TRIO: variants seen among roughly 807,000 people sequenced by gnomAD.
The protein encoded by TRIO is triple functional domain protein.
Under a neutral mutation model 351.9 loss-of-function variants are expected in TRIO, and 58 were observed. The observed-to-expected ratio is 0.16, with a 90% CI of 0.13 to 0.21. The LOEUF (loss-of-function observed/expected upper bound fraction) is 0.21. TRIO is among the 10% of genes least tolerant of loss of function. The pLI, the probability that TRIO is intolerant of heterozygous loss-of-function variation, is 1.00. For synonymous variants in TRIO, 1,758 were observed against 1,595.7 expected (o/e 1.10, Z -2.42); for missense variants, 3,201 against 4,027.8 (o/e 0.79, Z 5.56).
chr5:14,151,317 G>A (rs893801110), intron 1 of TRIO, among the ~76,000 whole-genome samples: 6 of 151,862 alleles, frequency 4.0e-5, no homozygotes, highest in Non-Finnish European at 7.4e-5. Flanking sequence ...AAATTTACAC[G>A]TATAATCCTA....
At chr5:14,317,678 G>A (rs62344973) in intron 9 of TRIO, among the ~76,000 whole-genome samples, 10,367 of 152,258 alleles carry the variant, frequency 0.068, 439 homozygotes, top group African/African-American at 0.12. Flanking sequence ...TTCACTTCAT[G>A]TGAATCTGGT....
rs147256095 is a variant in TRIO, at chr5:14,359,329, A to G, written c.2217-28A>G. On this transcript the variant is annotated intron_variant, in intron 12 of 56. Coordinates refer to ENST00000344204, the MANE Select transcript of TRIO (RefSeq NM_007118.4). Reference sequence around the variant, plus strand: ...TAACAATGTGTGACTTTCTCATCCAATTCCTGTTCCTCTGTGTGCTCTCGC... The same window carrying G: ...TAACAATGTGTGACTTTCTCATCCAGTTCCTGTTCCTCTGTGTGCTCTCGC... 2.0e-4 allele frequency: 327 copies of G among 1,595,700 alleles called. 2 individuals are homozygous for G. The African/African-American group carries it at 3.9e-3, about 19-fold the overall frequency.
chr5:14,308,029 G>A (rs1738527082), intron 8 of TRIO, among the ~76,000 whole-genome samples: 2 of 152,158 alleles, frequency 1.3e-5, no homozygotes, highest in South Asian at 4.2e-4. Flanking sequence ...TTGAGCACTT[G>A]TTCCCAGCTC....
intron 21 of TRIO, among the ~76,000 whole-genome samples, chr5:14,384,575 A>G (rs199621261): frequency 6.6e-6 from 1 of 152,310 alleles, no homozygotes; most frequent in East Asian, 1.9e-4. Context: ...TTCCAAGGTA[A>G]ATGGCTTTGG....
chr5:14,249,330 T>G (rs1794612220), intron 1 of TRIO, among the ~76,000 whole-genome samples: 2 of 152,206 alleles, frequency 1.3e-5, no homozygotes, highest in Admixed American at 1.3e-4. Flanking sequence ...CGCCCATGGT[T>G]AGGCTTGCCC....
chr5:14,364,005 G>T, intron 14 of TRIO, 78 bp downstream of exon 14: 1 of 1,440,248 alleles, frequency 6.9e-7, no homozygotes, highest in South Asian at 1.4e-5. Context: ...TCAGTGGGAT[G>T]ACTGCAAATT....
rs149694127 is a variant in TRIO, at chr5:14,492,568, G to C, written c.7634G>C (p.Ser2545Thr). 6 of 1,613,980 alleles carry C rather than the reference G, an allele frequency of 3.7e-6. No individual in the cohort carries two copies. Among genetic ancestry groups the C allele is most frequent in the Non-Finnish European group, 4.2e-6 (5 of 1,180,012 alleles). Residue 2545 changes from serine (S) to threonine (T), a missense_variant and splice_region_variant, in exon 49 of 57, where the codon AGT becomes ACT. Around this residue, in one of 19 missense-constraint regions of TRIO, gnomAD observed 1,089 missense variants for 954.9 expected, o/e 1.14. Coordinates refer to ENST00000344204, the MANE Select transcript of TRIO (RefSeq NM_007118.4). ...QSVQSTQSNGSESSSSSNIST... is the reference protein window; with the variant it reads ...QSVQSTQSNGTESSSSSNIST... ...CTGTCTTCATCTGTCCCTCTGCAGA[G>C]TGAAAGCAGCAGCAGTAGCAACATC...
chr5:14,172,011 ATAAGT>A (rs1789124652), intron 1 of TRIO, among the ~76,000 whole-genome samples: 1 of 152,142 alleles, frequency 6.6e-6, no homozygotes, highest in Non-Finnish European at 1.5e-5. Flanking sequence ...ACACCTGCAG[ATAAGT>A]TGAGTAGTGC....
chr5:14,219,341 A>G (rs1028617588), intron 1 of TRIO, among the ~76,000 whole-genome samples: 10 of 152,040 alleles, frequency 6.6e-5, no homozygotes, highest in African/African-American at 2.4e-4. Context: ...CTTGCCCTGT[A>G]CTTCTGCCTC....
At chr5:14,198,002 A>G (rs1178627605) in intron 1 of TRIO, among the ~76,000 whole-genome samples, 2 of 152,182 alleles carry the variant, frequency 1.3e-5, no homozygotes, top group South Asian at 2.1e-4. Context: ...TATCCTTGTA[A>G]TGATAGTCCA....
At chr5:14,415,610 C>T (rs1039343088) in intron 33 of TRIO, among the ~76,000 whole-genome samples, 2 of 152,156 alleles carry the variant, frequency 1.3e-5, no homozygotes, top group African/African-American at 4.8e-5. Context: ...GAATTCTGTT[C>T]TATGTGGTAA....
At chr5:14,260,438 G>C (rs1469143175) in intron 1 of TRIO, among the ~76,000 whole-genome samples, 1 of 152,102 alleles carries the variant, frequency 6.6e-6, no homozygotes, top group Non-Finnish European at 1.5e-5. Flanking sequence ...AAAATCTCTG[G>C]GGTTTAAGAG....
intron 34 of TRIO, among the ~76,000 whole-genome samples, chr5:14,449,301 C>T (rs1291205501): frequency 6.6e-6 from 1 of 152,190 alleles, no homozygotes; most frequent in Non-Finnish European, 1.5e-5. Context: ...GGCCCCATCT[C>T]TGCTGGGAGG....
chr5:14,482,167 A>C (rs1008403575), intron 45 of TRIO, among the ~76,000 whole-genome samples: 1 of 152,156 alleles, frequency 6.6e-6, no homozygotes, highest in Non-Finnish European at 1.5e-5. Flanking sequence ...CTGTTTTGCT[A>C]GAGAATTAGC....
intron 2 of TRIO, among the ~76,000 whole-genome samples, chr5:14,274,910 C>A (rs1414870121): frequency 6.6e-6 from 1 of 152,070 alleles, no homozygotes; most frequent in South Asian, 2.1e-4. Context: ...TTGTATAATT[C>A]CTGCCTCAGG....
chr5:14,315,546 C>T (rs535849128), intron 8 of TRIO, among the ~76,000 whole-genome samples: 32 of 151,582 alleles, frequency 2.1e-4, no homozygotes, highest in African/African-American at 5.8e-4. Flanking sequence ...ACACCACACC[C>T]GGCCTGCTTA....
At position 14,148,333 on chromosome 5, in the gene TRIO, G is replaced by C. The variant is rs185807824; in HGVS notation, c.157+4451G>C. ...TTGAGATTTGTTCTGAACTGCAGGTGAAAGATGTGTTTGAAGCTGTCATAA... is the reference window on the plus strand; with the variant it reads ...TTGAGATTTGTTCTGAACTGCAGGTCAAAGATGTGTTTGAAGCTGTCATAA... On this transcript the variant is annotated intron_variant, in intron 1 of 56. Transcript: ENST00000344204. Among the ~76,000 whole-genome samples the C allele has an allele frequency of 3.3e-5, 5 of 152,302 alleles. No homozygotes were observed. In the East Asian group the frequency reaches 9.6e-4, roughly 29 times the overall value.
rs764941819 is a variant in TRIO at position 14,488,031 on chromosome 5, T to C, written c.7403T>C (p.Leu2468Pro). Residue 2468 changes from leucine (L) to proline (P), a missense_variant, in exon 48 of 57, where the codon CTC becomes CCC. Transcript: ENST00000344204. The stretch of plus-strand genomic sequence containing the variant: ...CCGCTCTCCAGCGCGGTCCCTTCTC[T>C]CGGCAAGGAGCCCTTCCCCCCCAGC... ...NSPLSSAVPS[L>P]GKEPFPPSSP... The C allele has an allele frequency of 6.2e-7, 1 of 1,603,022 alleles. No individual in the cohort carries two copies. Among genetic ancestry groups the C allele is most frequent in the Non-Finnish European group, 8.5e-7 (1 of 1,176,044 alleles).
chr5:14,250,160 G>A (rs1322342973), intron 1 of TRIO, among the ~76,000 whole-genome samples: 1 of 152,170 alleles, frequency 6.6e-6, no homozygotes, highest in Non-Finnish European at 1.5e-5. Context: ...TTTAGCCAGT[G>A]AGCAGTTGCT....
Sources: allele counts gnomAD v4.1 joint callset (sites outside exome capture counted in the v4.1 genomes callset), GRCh38; gene constraint gnomAD v4.1.1; regional missense constraint gnomAD v4.1.1; transcripts MANE v1.5; gene names NCBI Gene and HGNC (gene_info 2026-07-23, HGNC 2026-07-21).